Variants in DDX46 observed in about 807,000 individuals in gnomAD.
The protein encoded by DDX46 is DEAD-box helicase 46, also known as probable ATP-dependent RNA helicase DDX46.
A neutral mutation model predicts 134.9 loss-of-function variants in DDX46; 30 were observed. The ratio of observed to expected loss-of-function variants is 0.22; its 90% CI spans 0.17 to 0.30. The LOEUF is 0.30. Ranked by LOEUF, DDX46 falls within the 10% of genes least tolerant of loss-of-function variation. The probability of loss-of-function intolerance (pLI) is 1.00; values close to 1 mark genes in which losing one functional copy is unlikely to be tolerated. For missense variants in DDX46, 622 were observed against 1,248.7 expected (o/e 0.50, Z 7.56); for synonymous variants, 415 against 404.1 (o/e 1.03, Z -0.32).
In DDX46 at chr5:134,758,831, T is replaced by G. The variant is rs1753282503; in HGVS notation, c.-108T>G. 1.4e-5 allele frequency: 22 copies of G among 1,537,628 alleles called. No homozygotes were observed. The Middle Eastern group carries it at 5.3e-4, about 37-fold the overall frequency. On this transcript the variant is annotated 5_prime_UTR_variant, in exon 1 of 23. Transcript: ENST00000452510. ...CCGCCACAGCTGTAGGTGCTGCTAG[T>G]GTTTAGCGCTGGTCTTTGCCGGGCG... is the stretch of plus-strand genomic sequence containing the variant.
In DDX46 at chr5:134,764,109, T is replaced by C. The variant is rs767537998; in HGVS notation, c.206+17T>C. On this transcript the variant is annotated intron_variant, in intron 2 of 22. Coordinates refer to ENST00000452510, the MANE Select transcript of DDX46 (RefSeq NM_001300860.2). ...GCGTCTGAGGTAAGACATTAATTAA[T>C]TTCCAAAAGACGAGTGATAAATTGG... The C allele has an allele frequency of 5.7e-6, 9 of 1,582,748 alleles. No homozygotes were observed. Among genetic ancestry groups the C allele is most frequent in the Non-Finnish European group, 7.7e-6 (9 of 1,163,970 alleles).
intron 14 of DDX46, 131 bp downstream of exon 14, chr5:134,795,145 T>C: frequency 1.0e-6 from 1 of 988,336 alleles, no homozygotes; most frequent in Non-Finnish European, 1.5e-6. Context: ...TACTCTAGCC[T>C]TCAGTATTTT....
chr5:134,791,668 T>C (rs1754507591), intron 13 of DDX46, among the ~76,000 whole-genome samples: 4 of 152,170 alleles, frequency 2.6e-5, no homozygotes, highest in Admixed American at 2.6e-4. Flanking sequence ...GAGACCATAG[T>C]AATGGAAATG....
chr5:134,810,064 GT>G (rs1043992129), intron 16 of DDX46, among the ~76,000 whole-genome samples: 6 of 151,890 alleles, frequency 4.0e-5, no homozygotes, highest in African/African-American at 9.7e-5. Context: ...GGGTCAGATT[GT>G]TTTTTTGGTT....
At chr5:134,798,013 T>C (rs1245783295) in intron 15 of DDX46, among the ~76,000 whole-genome samples, 1 of 152,034 alleles carries the variant, frequency 6.6e-6, no homozygotes, top group Non-Finnish European at 1.5e-5. Context: ...AGTTTCTCCA[T>C]GTTGGTCAGG....
At chr5:134,824,374 C>T (rs1755533896) in intron 21 of DDX46, among the ~76,000 whole-genome samples, 1 of 152,274 alleles carries the variant, frequency 6.6e-6, no homozygotes, top group East Asian at 1.9e-4. Flanking sequence ...GGGCGGATCA[C>T]AAGGTCAAGA....
intron 5 of DDX46, among the ~76,000 whole-genome samples, chr5:134,775,252 C>G (rs1388526546): frequency 6.6e-6 from 1 of 152,140 alleles, no homozygotes; most frequent in Non-Finnish European, 1.5e-5. Flanking sequence ...CTGTGCCTGG[C>G]TGCTGATATT....
At chr5:134,776,205 C>T (rs1259567712) in intron 5 of DDX46, among the ~76,000 whole-genome samples, 3 of 151,838 alleles carry the variant, frequency 2.0e-5, no homozygotes, top group Admixed American at 2.0e-4. Context: ...TCCTGGCCAA[C>T]ATGGTGAAAC....
intron 2 of DDX46, 77 bp from the exon 3 acceptor site, chr5:134,766,840 A>G (rs551657004): frequency 8.1e-6 from 12 of 1,482,288 alleles, no homozygotes; most frequent in African/African-American, 2.8e-5. Context: ...GATTCTTTCA[A>G]TGTGGGACAG....
chr5:134,795,329 C>T (rs1239113837), intron 14 of DDX46, among the ~76,000 whole-genome samples: 2 of 150,868 alleles, frequency 1.3e-5, no homozygotes, highest in Non-Finnish European at 2.9e-5. Context: ...CTAAGTTCAG[C>T]ATCAGTGTGG....
At chr5:134,778,037 T>G (rs887951553) in intron 6 of DDX46, 1 of 208,028 alleles carries the variant, frequency 4.8e-6, no homozygotes, top group Non-Finnish European at 9.4e-6. Flanking sequence ...TTTTTTTTTT[T>G]TGATACAGAG....
intron 3 of DDX46, among the ~76,000 whole-genome samples, chr5:134,770,145 C>T (rs919787102): frequency 2.0e-5 from 3 of 151,878 alleles, no homozygotes; most frequent in African/African-American, 7.2e-5. Context: ...GATCTTCCTG[C>T]CTTGGCCTCC....
In DDX46 at chr5:134,780,138, G is replaced by GTGTGTGTGTGTA. The variant is rs1158560431; in HGVS notation, c.766-994_766-993insGTGTGTGTGTAT. Reference sequence around the variant, plus strand: ...TGTGTGTGTGTGTGTGTGTGTGTGTGTATATGTATATATGTGCATGTATAT... The same window carrying GTGTGTGTGTGTA: ...TGTGTGTGTGTGTGTGTGTGTGTGTGTGTGTGTGTGTATATATGTATATATGTGCATGTATAT... On this transcript the variant is annotated intron_variant, in intron 6 of 22. Transcript: ENST00000452510. Among the ~76,000 whole-genome samples the GTGTGTGTGTGTA allele has an allele frequency of 1.2e-3, 169 of 142,396 alleles. 2 individuals carry two copies. The East Asian group carries it at 0.014, about 12-fold the overall frequency. 93.4% of individuals were successfully genotyped at this position (142,396 alleles called of 152,430 possible).
At chr5:134,821,961 C>G (rs1398049707) in intron 21 of DDX46, among the ~76,000 whole-genome samples, 7 of 146,318 alleles carry the variant, frequency 4.8e-5, no homozygotes, top group African/African-American at 1.5e-4. Context: ...GGTGCTGTCT[C>G]GTCTCACTGC....
chr5:134,780,098 ATGTGTG>A (rs71583216), intron 6 of DDX46, among the ~76,000 whole-genome samples: 3,045 of 139,548 alleles, frequency 0.022, 49 homozygotes, highest in East Asian at 0.072. Flanking sequence ...AAAAAAATAT[ATGTGTG>A]TGTGTGTGTG....
At chr5:134,787,446 C>T (rs979853553) in intron 11 of DDX46, among the ~76,000 whole-genome samples, 2 of 152,190 alleles carry the variant, frequency 1.3e-5, no homozygotes. Context: ...GTTTTCTGAA[C>T]TTAACTACAA....
At position 134,829,068 on chromosome 5, in the gene DDX46, TC is replaced by T. The variant is rs1755667139; in HGVS notation, c.*363del. On this transcript the variant is annotated 3_prime_UTR_variant, in exon 23 of 23. Coordinates refer to ENST00000452510, the MANE Select transcript of DDX46 (RefSeq NM_001300860.2). ...GGGCTATTCACTTTATCCTGTACTT[TC>T]AATGAAATTGTGATCATTTCCTAAG... 1.9e-5 allele frequency: 3 copies of T among 161,350 alleles called. No homozygotes were observed. Among genetic ancestry groups the T allele is most frequent in the Non-Finnish European group, 4.0e-5 (3 of 74,156 alleles). The allele number at this position is 161,350 out of a possible 1,614,324, so 10.0% of individuals were successfully genotyped here. A position where few individuals can be genotyped will look rare whatever the true frequency, so the allele number is the denominator to read the frequency against.
At chr5:134,819,963 C>T (rs574827127) in intron 21 of DDX46, among the ~76,000 whole-genome samples, 3 of 152,128 alleles carry the variant, frequency 2.0e-5, no homozygotes, top group African/African-American at 7.2e-5. Context: ...CTCTGTTGCC[C>T]AGAGCTGGAG....
intron 4 of DDX46, 35 bp downstream of exon 4, chr5:134,771,034 T>C (rs773142727): frequency 2.2e-6 from 2 of 892,316 alleles, no homozygotes; most frequent in Non-Finnish European, 3.5e-6. Flanking sequence ...TTTTCTTTCT[T>C]TCTTTTTGTC....
Sources: gnomAD v4.1 joint callset for allele counts (sites outside exome capture counted in the v4.1 genomes callset) on GRCh38, gnomAD v4.1.1 for gene constraint, MANE v1.5 for transcripts, NCBI Gene and HGNC (gene_info 2026-07-23, HGNC 2026-07-21) for gene names.